The following CEP112 variants were observed in gnomAD, a reference collection of about 807,000 sequenced individuals.
CEP112 encodes centrosomal protein 112.
Under a neutral mutation model 153.0 loss-of-function variants are expected in CEP112, and 127 were observed. The observed-to-expected ratio is 0.83, with a 90% CI of 0.72 to 0.96. CEP112 has a LOEUF of 0.96. Among genes scored for constraint, CEP112 ranks in the 40% least tolerant of loss-of-function variants. CEP112 has a pLI of 0.00. For missense variants in CEP112, 1,089 were observed against 1,101.2 expected, an observed-to-expected ratio of 0.99 and a Z score of 0.16; for synonymous variants, 358 against 374.4, an observed-to-expected ratio of 0.96 and a Z score of 0.51.
intron 22 of CEP112, among the ~76,000 whole-genome samples, chr17:65,746,018 A>G (rs2051429110): frequency 6.6e-6 from 1 of 151,998 alleles, no homozygotes; most frequent in Non-Finnish European, 1.5e-5. Flanking sequence ...ACAAAAAATT[A>G]GCTGGGTGTG....
intron 8 of CEP112, among the ~76,000 whole-genome samples, chr17:66,086,580 T>A (rs2067946982): frequency 6.6e-6 from 1 of 150,802 alleles, no homozygotes; most frequent in Admixed American, 6.6e-5. Context: ...ATTTTTTGTA[T>A]TTTTTTTAGC....
chr17:65,811,759 A>G (rs1455969121), intron 21 of CEP112, among the ~76,000 whole-genome samples: 1 of 152,206 alleles, frequency 6.6e-6, no homozygotes. Flanking sequence ...GTGAAGTGTT[A>G]TTTAAATGAA....
intron 23 of CEP112, among the ~76,000 whole-genome samples, chr17:65,732,011 T>A (rs1567931821): frequency 6.6e-6 from 1 of 152,234 alleles, no homozygotes; most frequent in East Asian, 1.9e-4. Context: ...TCAAAAATGT[T>A]CTTAATGGCT....
At chr17:66,068,050 T>C (rs2067185471) in intron 9 of CEP112, among the ~76,000 whole-genome samples, 1 of 152,192 alleles carries the variant, frequency 6.6e-6, no homozygotes, top group Admixed American at 6.5e-5. Flanking sequence ...AAAAATTGCA[T>C]TAAAATCTAT....
rs1393105948 is a variant in CEP112 at position 65,825,864 on chromosome 17, C to T, written c.2394+25940G>A. Among the ~76,000 whole-genome samples, 3 of 152,268 alleles carry T rather than the reference C, an allele frequency of 2.0e-5. No individual in the cohort carries two copies. In the South Asian group the frequency reaches 6.2e-4, roughly 32 times the overall value. ...AGCAAGGGAGAAAATGCCATTAGCTCACAATCTACCTCTTCCAGAAAGTTC... is the reference window on the plus strand; with the variant it reads ...AGCAAGGGAGAAAATGCCATTAGCTTACAATCTACCTCTTCCAGAAAGTTC... On this transcript the variant is annotated intron_variant, in intron 21 of 26. Transcript: ENST00000535342.
chr17:65,754,213 G>C (rs1200662000), intron 21 of CEP112, among the ~76,000 whole-genome samples: 1 of 152,188 alleles, frequency 6.6e-6, no homozygotes, highest in African/African-American at 2.4e-5. Flanking sequence ...TATGAACAAA[G>C]ACCTGTAGGA....
chr17:66,005,761 G>C lies in CEP112; in HGVS notation c.1665C>G (p.Asp555Glu), dbSNP rs1198409821. 2 of 1,602,004 alleles carry C rather than the reference G, an allele frequency of 1.2e-6. No individual in the cohort carries two copies. Among genetic ancestry groups the C allele is most frequent in the African/African-American group, 1.3e-5 (1 of 74,254 alleles). Reference protein sequence around the residue: ...LKHIYEKKAHDLQSELDKGKE... With the variant: ...LKHIYEKKAHELQSELDKGKE... ...TTCCTTTATCAAGTTCACTCTGCAA[G>C]TCATGAGCCTGCCATGACAAGAACA... Residue 555 changes from aspartate (D) to glutamate (E), a missense_variant, in exon 17 of 27, where the codon GAC becomes GAG. By Grantham distance (45) the Asp-to-Glu change is conservative. Coordinates refer to ENST00000535342, the MANE Select transcript of CEP112 (RefSeq NM_001199165.4).
At chr17:65,831,821 G>A (rs1272306795) in intron 21 of CEP112, among the ~76,000 whole-genome samples, 1 of 151,882 alleles carries the variant, frequency 6.6e-6, no homozygotes, top group African/African-American at 2.4e-5. Context: ...ACTCACAGAA[G>A]GAAAAAGGAA....
At chr17:65,687,552 T>C (rs1353318118) in intron 24 of CEP112, among the ~76,000 whole-genome samples, 1 of 152,344 alleles carries the variant, frequency 6.6e-6, no homozygotes, top group East Asian at 1.9e-4. Flanking sequence ...ATAAAACGTA[T>C]ATGTATATAT....
At chr17:65,675,703 C>CA (rs982692584) in intron 24 of CEP112, among the ~76,000 whole-genome samples, 11 of 151,440 alleles carry the variant, frequency 7.3e-5, no homozygotes, top group Admixed American at 6.6e-5. Flanking sequence ...ATTAGTAGAC[C>CA]AAAATCCATC....
intron 20 of CEP112, among the ~76,000 whole-genome samples, chr17:65,879,601 A>C (rs1413668469): frequency 6.6e-6 from 1 of 152,198 alleles, no homozygotes; most frequent in Non-Finnish European, 1.5e-5. Flanking sequence ...ATAACTATGA[A>C]AGATAAACAG....
intron 18 of CEP112, among the ~76,000 whole-genome samples, chr17:65,946,209 T>G (rs1203456171): frequency 1.3e-5 from 2 of 152,070 alleles, no homozygotes; most frequent in South Asian, 2.1e-4. Flanking sequence ...AAATATTTTG[T>G]TTTTTATGCC....
At chr17:66,121,464 T>C (rs1199493429) in intron 6 of CEP112, among the ~76,000 whole-genome samples, 1 of 152,162 alleles carries the variant, frequency 6.6e-6, no homozygotes, top group African/African-American at 2.4e-5. Context: ...TCTCCTCTTG[T>C]TCTGGTACCC....
chr17:65,662,952 G>C (rs1256794578), intron 24 of CEP112, among the ~76,000 whole-genome samples: 1 of 152,144 alleles, frequency 6.6e-6, no homozygotes, highest in Non-Finnish European at 1.5e-5. Context: ...TGTGTAGCTT[G>C]AGTGCCCAAG....
chr17:66,072,484 T>C (rs1429247692), intron 8 of CEP112, among the ~76,000 whole-genome samples: 2 of 152,224 alleles, frequency 1.3e-5, no homozygotes, highest in Non-Finnish European at 2.9e-5. Flanking sequence ...GACCTTGACA[T>C]TTTTTAAGAG....
intron 21 of CEP112, among the ~76,000 whole-genome samples, chr17:65,805,009 T>A (rs2055513940): frequency 6.6e-6 from 1 of 151,828 alleles, no homozygotes; most frequent in Non-Finnish European, 1.5e-5. Flanking sequence ...CTACCACATG[T>A]GGCTAATTTT....
At chr17:66,142,726 A>G (rs531065989) in intron 4 of CEP112, among the ~76,000 whole-genome samples, 1 of 152,316 alleles carries the variant, frequency 6.6e-6, no homozygotes, top group African/African-American at 2.4e-5. Context: ...TCTTTACGCC[A>G]GTATCATACT....
chr17:65,969,784 T>A (rs1404696131), intron 17 of CEP112, among the ~76,000 whole-genome samples: 1 of 152,196 alleles, frequency 6.6e-6, no homozygotes, highest in Non-Finnish European at 1.5e-5. Context: ...TAGATGCATA[T>A]TACATGCATG....
At chr17:66,141,135 C>A (rs1029039863) in intron 4 of CEP112, among the ~76,000 whole-genome samples, 2 of 149,178 alleles carry the variant, frequency 1.3e-5, no homozygotes, top group Non-Finnish European at 2.9e-5. Context: ...TTATTTTTTC[C>A]TTTGTTTTCT....
Sources: allele counts gnomAD v4.1 joint callset (sites outside exome capture counted in the v4.1 genomes callset), GRCh38; gene constraint gnomAD v4.1.1; transcripts MANE v1.5; gene names NCBI Gene and HGNC (gene_info 2026-07-23, HGNC 2026-07-21).